CCDC14: variants seen among roughly 807,000 people sequenced by gnomAD.
CCDC14 encodes the protein coiled-coil domain containing 14, also known as coiled-coil domain-containing protein 14.
A neutral mutation model predicts 81.4 loss-of-function variants in CCDC14; 71 were observed. The observed-to-expected ratio is 0.87, with a 90% CI of 0.72 to 1.06. The LOEUF (loss-of-function observed/expected upper bound fraction) is 1.06, where lower values mean the gene tolerates loss of function less well. CCDC14 is among the 50% of genes least tolerant of loss of function. CCDC14 has a pLI of 0.00. For synonymous variants in CCDC14, 332 were observed against 364.8 expected, an observed-to-expected ratio of 0.91 and a Z score of 1.03; for missense variants, 1,046 against 1,047.3, an observed-to-expected ratio of 1.00 and a Z score of 0.02.
downstream of CCDC14, among the ~76,000 whole-genome samples, chr3:123,908,736 T>C (rs2034378222): frequency 1.3e-5 from 2 of 152,068 alleles, no homozygotes; most frequent in Non-Finnish European, 2.9e-5. Context: ...CTGGTTGGGA[T>C]ATGGGGAGGG....
intron 10 of CCDC14, among the ~76,000 whole-genome samples, chr3:123,933,192 G>C (rs898162939): frequency 2.6e-5 from 4 of 152,016 alleles, no homozygotes; most frequent in Non-Finnish European, 4.4e-5. Flanking sequence ...GTTTGCACTG[G>C]GAAAAAAGGG....
At chr3:123,925,132 T>TA (rs139948399) in intron 12 of CCDC14, among the ~76,000 whole-genome samples, 56 of 145,146 alleles carry the variant, frequency 3.9e-4, no homozygotes, top group Middle Eastern at 3.5e-3. Flanking sequence ...TACTCAGCCT[T>TA]AAAAAAAAAA....
chr3:123,924,763 A>G (rs1021350682), intron 12 of CCDC14, among the ~76,000 whole-genome samples: 1 of 152,234 alleles, frequency 6.6e-6, no homozygotes, highest in East Asian at 1.9e-4. Flanking sequence ...ACAAGTGTTG[A>G]TGAAGATGTG....
chr3:123,951,329 T>C (rs1221306224), intron 5 of CCDC14, among the ~76,000 whole-genome samples: 2 of 152,010 alleles, frequency 1.3e-5, no homozygotes, highest in African/African-American at 2.4e-5. Flanking sequence ...TCATACTATC[T>C]GATGTCAGTA....
chr3:123,913,794 G>A lies in CCDC14; in HGVS notation c.*985C>T. 2.0e-6 allele frequency: 2 copies of A among 985,156 alleles called. No individual in the cohort carries two copies. Among genetic ancestry groups the A allele is most frequent in the Non-Finnish European group, 2.4e-6 (2 of 829,866 alleles). The allele number at this position is 985,156 out of a possible 1,614,324, so 61.0% of individuals were successfully genotyped here. A position where few individuals can be genotyped will look rare whatever the true frequency, so the allele number is the denominator to read the frequency against. On this transcript the variant is annotated 3_prime_UTR_variant, in exon 13 of 13. Transcript: ENST00000409697. ...GACAATTAGAGTAGGCAGGTGACCTGTACAAAGTATTAGTGATAACACAAC... is the reference window on the plus strand; with the variant it reads ...GACAATTAGAGTAGGCAGGTGACCTATACAAAGTATTAGTGATAACACAAC...
downstream of CCDC14, among the ~76,000 whole-genome samples, chr3:123,911,901 GCCA>G (rs2034454702): frequency 6.6e-6 from 1 of 152,100 alleles, no homozygotes; most frequent in Non-Finnish European, 1.5e-5. Context: ...CAAGTAAAAT[GCCA>G]CCATCAGTGA....
chr3:123,939,889 TAC>T (rs2036260153), intron 9 of CCDC14, among the ~76,000 whole-genome samples: 1 of 151,924 alleles, frequency 6.6e-6, no homozygotes, highest in Admixed American at 6.6e-5. Context: ...GTTTAATGGG[TAC>T]AGAGTTCATG....
chr3:123,906,199 G>T (rs1310452956), intron 5 of CCDC14, among the ~76,000 whole-genome samples: 3 of 151,978 alleles, frequency 2.0e-5, no homozygotes, highest in Admixed American at 2.0e-4. Context: ...GCGTGGTGGT[G>T]GGCACCTGTA....
At chr3:123,911,807 C>A (rs1401731117), downstream of CCDC14, among the ~76,000 whole-genome samples, 1 of 152,156 alleles carries the variant, frequency 6.6e-6, no homozygotes, top group East Asian at 1.9e-4. Flanking sequence ...AAGCTGCATG[C>A]CCTTTTTACC....
Position 123,961,150 on chromosome 3 carries a change from C to G in CCDC14, c.24G>C (p.Pro8=). The change falls in exon 1 of 13, where the codon CCG becomes CCC. Residue 8 remains proline (P), a synonymous_variant. Transcript: ENST00000409697. MVRSGAR[P]GQVLSSGRHT... ...TCAGGTCCTCAGCCCTCACCTGGCC[C>G]GGTCGAGCTCCAGACCTGACCATCT... 1 of 1,551,480 alleles carries G rather than the reference C, an allele frequency of 6.4e-7. No individual in the cohort carries two copies. Among genetic ancestry groups the G allele is most frequent in the Non-Finnish European group, 8.7e-7 (1 of 1,146,924 alleles).
intron 12 of CCDC14, among the ~76,000 whole-genome samples, chr3:123,928,367 G>A (rs906391468): frequency 2.7e-5 from 4 of 149,354 alleles, no homozygotes; most frequent in South Asian, 2.1e-4. Context: ...ATAGCTGGGC[G>A]TGGTGGAGGG....
At chr3:123,892,873 C>T (rs566564543), downstream of CCDC14, among the ~76,000 whole-genome samples, 18 of 151,948 alleles carry the variant, frequency 1.2e-4, no homozygotes, top group African/African-American at 2.2e-4. Context: ...GGTGTCATCT[C>T]GGCTCATTGT....
At chr3:123,937,099 T>C (rs1344442689) in intron 9 of CCDC14, among the ~76,000 whole-genome samples, 1 of 152,112 alleles carries the variant, frequency 6.6e-6, no homozygotes, top group East Asian at 1.9e-4. Context: ...ATAGCACTAT[T>C]TGTTTATCCA....
intron 9 of CCDC14, among the ~76,000 whole-genome samples, chr3:123,936,580 C>T (rs576851485): frequency 2.0e-5 from 3 of 151,934 alleles, no homozygotes; most frequent in Non-Finnish European, 2.9e-5. Flanking sequence ...AGTAAACTAA[C>T]GCAGAAACAA....
the CCDC14 span, among the ~76,000 whole-genome samples, chr3:123,886,151 TTCTCTC>T: frequency 0.02 from 2,978 of 150,274 alleles, 83 homozygotes; most frequent in African/African-American, 0.068. Flanking sequence ...CTTTTTTTTT[TTCTCTC>T]TCTCTCTCTC....
intron 5 of CCDC14, among the ~76,000 whole-genome samples, chr3:123,899,268 G>A (rs1278211542): frequency 6.6e-6 from 1 of 152,206 alleles, no homozygotes; most frequent in Non-Finnish European, 1.5e-5. Flanking sequence ...GATAACTGCT[G>A]TTGGTATATG....
Position 123,948,491 on chromosome 3 carries a change from C to T in CCDC14, c.684+200G>A, listed in dbSNP as rs1218916730. 3.3e-5 allele frequency among the ~76,000 whole-genome samples: 5 copies of T among 152,262 alleles called. No homozygotes were observed. In the East Asian group the frequency reaches 5.8e-4, roughly 18 times the overall value. On this transcript the variant is annotated intron_variant, in intron 7 of 12. Transcript: ENST00000409697. The stretch of plus-strand genomic sequence containing the variant: ...TCCAGACCTCGTGATCCACCCACCT[C>T]GGCCTCCCAAAGTGCCGGGATTACA...
chr3:123,914,083 C>T lies in CCDC14; in HGVS notation c.*696G>A, dbSNP rs1053094052. The T allele has an allele frequency of 3.0e-6, 3 of 985,322 alleles. No individual in the cohort carries two copies. The African/African-American group carries it at 5.2e-5, about 17-fold the overall frequency. The allele number at this position is 985,322 out of a possible 1,614,324, so 61.0% of individuals were successfully genotyped here. A position where few individuals can be genotyped will look rare whatever the true frequency, so the allele number is the denominator to read the frequency against. ...TATTTAAAAAAAACCCACAAATTTCCCCAACTATAGCTTATCTGTTAGCAC... is the reference window on the plus strand; with the variant it reads ...TATTTAAAAAAAACCCACAAATTTCTCCAACTATAGCTTATCTGTTAGCAC... On this transcript the variant is annotated 3_prime_UTR_variant, in exon 13 of 13. Coordinates refer to ENST00000409697, the MANE Select transcript of CCDC14 (RefSeq NM_001366335.1).
chr3:123,903,179 A>AT (rs1160287413), intron 5 of CCDC14, among the ~76,000 whole-genome samples: 1 of 152,156 alleles, frequency 6.6e-6, no homozygotes, highest in African/African-American at 2.4e-5. Flanking sequence ...AAGGAATTGG[A>AT]TGGGGCAGGT....
Sources: gnomAD v4.1 joint callset for allele counts (sites outside exome capture counted in the v4.1 genomes callset) on GRCh38, gnomAD v4.1.1 for gene constraint, MANE v1.5 for transcripts, NCBI Gene and HGNC (gene_info 2026-07-23, HGNC 2026-07-21) for gene names.